The following GSE1 variants were observed in gnomAD, a reference collection of about 807,000 sequenced individuals.
The protein encoded by GSE1 is genetic suppressor element 1.
In GSE1, 32 loss-of-function variants were observed where a neutral mutation model predicts 112.6. That is an observed-to-expected ratio of 0.28 (90% confidence interval 0.21 to 0.38). The LOEUF (loss-of-function observed/expected upper bound fraction) is 0.38, where lower values mean the gene tolerates loss of function less well. GSE1 is among the 10% of genes least tolerant of loss of function. GSE1 has a pLI of 1.00. For synonymous variants in GSE1, 1,115 were observed against 735.6 expected, an observed-to-expected ratio of 1.52 and a Z score of -8.35; for missense variants, 2,348 against 1,699.2, an observed-to-expected ratio of 1.38 and a Z score of -6.71.
At chr16:85,538,590 G>C (rs2044413024) in intron 2 of GSE1, among the ~76,000 whole-genome samples, 1 of 152,140 alleles carries the variant, frequency 6.6e-6, no homozygotes, top group African/African-American at 2.4e-5. Context: ...AAGGTGCCCT[G>C]GGGGAGCCAG....
intron 1 of GSE1, among the ~76,000 whole-genome samples, chr16:85,590,535 A>G (rs1465739498): frequency 6.8e-6 from 1 of 146,228 alleles, no homozygotes; most frequent in African/African-American, 2.6e-5. Flanking sequence ...TTGTGTGAGC[A>G]TGTGTGACAT....
At chr16:85,323,882 C>T (rs182273083) in intron 1 of GSE1, among the ~76,000 whole-genome samples, 6 of 152,288 alleles carry the variant, frequency 3.9e-5, no homozygotes, top group Admixed American at 2.6e-4. Context: ...GTCATCTGGC[C>T]GCCTGCCACA....
intron 2 of GSE1, among the ~76,000 whole-genome samples, chr16:85,645,053 G>T (rs1322956403): frequency 6.6e-6 from 1 of 151,456 alleles, no homozygotes; most frequent in Admixed American, 6.6e-5. Flanking sequence ...GAGGGGCGTG[G>T]TGCCCCGCCC....
At chr16:85,517,608 C>A (rs889988578) in intron 2 of GSE1, among the ~76,000 whole-genome samples, 1 of 149,800 alleles carries the variant, frequency 6.7e-6, no homozygotes, top group Non-Finnish European at 1.5e-5. Context: ...CTCCCCTCCC[C>A]CCGCCTGCCT....
intron 2 of GSE1, among the ~76,000 whole-genome samples, chr16:85,484,778 G>A (rs1453865597): frequency 1.3e-5 from 2 of 152,226 alleles, no homozygotes; most frequent in Admixed American, 1.3e-4. Context: ...TGCTCCATGC[G>A]CCGGCTCTGT....
At chr16:85,669,910 AC>A (rs1035884436) in intron 14 of GSE1, among the ~76,000 whole-genome samples, 8 of 150,910 alleles carry the variant, frequency 5.3e-5, no homozygotes, top group Admixed American at 5.3e-4. Flanking sequence ...ACCTGCGCTG[AC>A]CCCCTCTTCT....
In GSE1 at chr16:85,663,750, C is replaced by G. The variant is rs1203644783; in HGVS notation, c.2644+136C>G. ...GAGGCTGCCCCTTTACTCCTCCCGG[C>G]TCCCGGGAACAGCCTCTCTGTTCTT... On this transcript the variant is annotated intron_variant, in intron 11 of 15. Transcript: ENST00000253458. 7 of 840,558 alleles carry G rather than the reference C, an allele frequency of 8.3e-6. No individual in the cohort carries two copies. The East Asian group carries it at 1.0e-4, about 12-fold the overall frequency. The allele number at this position is 840,558 out of a possible 1,614,324, so 52.1% of individuals were successfully genotyped here.
chr16:85,422,240 C>G lies in GSE1; in HGVS notation c.2464+64597C>G, dbSNP rs541909169. ...TAAGTGACTTTGCATCAGACACAAT[C>G]CCGTTGACATTATCGGCATGAATAA... is the stretch of plus-strand genomic sequence containing the variant. On this transcript the variant is annotated intron_variant, in intron 2 of 2. Coordinates refer to the GSE1 transcript ENST00000637419. Among the ~76,000 whole-genome samples, 170 of 152,338 alleles carry G rather than the reference C, an allele frequency of 1.1e-3. 1 individual carries two copies. Among genetic ancestry groups the G allele is most frequent in the African/African-American group, 3.9e-3 (162 of 41,578 alleles).
intron 10 of GSE1, 69 bp from the exon 11 acceptor site, chr16:85,663,275 G>C: frequency 6.5e-7 from 1 of 1,545,148 alleles, no homozygotes; most frequent in Admixed American, 1.7e-5. Flanking sequence ...CCCAGGAGGG[G>C]ACCCCGGGAC....
At chr16:85,178,464 A>T (rs187013917) in intron 1 of GSE1, among the ~76,000 whole-genome samples, 176 of 152,240 alleles carry the variant, frequency 1.2e-3, no homozygotes, top group African/African-American at 4.1e-3. Flanking sequence ...TGAATTTAAA[A>T]ATACCAATGA....
chr16:85,313,918 CTGTGTG>C (rs10676246), intron 1 of GSE1, among the ~76,000 whole-genome samples: 75 of 149,218 alleles, frequency 5.0e-4, no homozygotes, highest in South Asian at 3.2e-3. Context: ...GTCTGAGCCT[CTGTGTG>C]TGTGTGTGTG....
At chr16:85,648,271 G>T (rs553391467) in intron 2 of GSE1, among the ~76,000 whole-genome samples, 6 of 152,126 alleles carry the variant, frequency 3.9e-5, no homozygotes, top group Admixed American at 1.3e-4. Flanking sequence ...GCGGTGGGCG[G>T]CCCTGGGCAC....
At chr16:85,438,050 C>A (rs761328596) in intron 2 of GSE1, among the ~76,000 whole-genome samples, 7 of 152,166 alleles carry the variant, frequency 4.6e-5, no homozygotes, top group Non-Finnish European at 7.4e-5. Flanking sequence ...CCAGGCTCAT[C>A]TGGGGGAGGC....
intron 1 of GSE1, among the ~76,000 whole-genome samples, chr16:85,281,515 G>A (rs1358494141): frequency 3.3e-5 from 5 of 152,180 alleles, no homozygotes; most frequent in Admixed American, 1.3e-4. Flanking sequence ...ACCTTGCATC[G>A]GAGCGCCGTC....
At chr16:85,337,963 TC>T (rs1465386284) in intron 1 of GSE1, among the ~76,000 whole-genome samples, 3 of 152,348 alleles carry the variant, frequency 2.0e-5, no homozygotes, top group Admixed American at 2.0e-4. Flanking sequence ...CCTTTCAGGT[TC>T]TTCCCACCTC....
rs1469063968 is a variant in GSE1 at position 85,634,035 on chromosome 16, C to T, written c.129C>T (p.Ser43=). The T allele has an allele frequency of 6.2e-7, 1 of 1,610,740 alleles. No individual in the cohort carries two copies. Among genetic ancestry groups the T allele is most frequent in the Non-Finnish European group, 8.5e-7 (1 of 1,178,680 alleles). ...PLNGALVPSG[S]PATSSALSAQ... is the part of the protein sequence containing the mutation. ...ATGGCGCCCTGGTGCCCAGCGGCAGCCCCGCCACCAGCAGCGCGCTGTCGG... is the reference window on the plus strand; with the variant it reads ...ATGGCGCCCTGGTGCCCAGCGGCAGTCCCGCCACCAGCAGCGCGCTGTCGG... The change falls in exon 2 of 16, where the codon AGC becomes AGT. Residue 43 remains serine, a synonymous_variant. Coordinates refer to ENST00000253458, the MANE Select transcript of GSE1 (RefSeq NM_014615.5).
At chr16:85,611,536 G>A (rs2047983276), upstream of GSE1, 2 of 955,392 alleles carry the variant, frequency 2.1e-6, no homozygotes, top group Non-Finnish European at 1.2e-6. Context: ...CCGCAGGTAG[G>A]AGCCAGTAAC....
chr16:85,275,994 C>G (rs543992877), intron 1 of GSE1, among the ~76,000 whole-genome samples: 171 of 152,346 alleles, frequency 1.1e-3, no homozygotes, highest in Non-Finnish European at 2.1e-3. Context: ...GGGTCCCCCT[C>G]CCAGCGATGG....
intron 1 of GSE1, among the ~76,000 whole-genome samples, chr16:85,279,388 C>G (rs2044787373): frequency 6.6e-6 from 1 of 152,218 alleles, no homozygotes; most frequent in Non-Finnish European, 1.5e-5. Context: ...CAGCGGATCA[C>G]TTGAGCCCAG....
Sources: allele counts gnomAD v4.1 joint callset (sites outside exome capture counted in the v4.1 genomes callset), GRCh38; gene constraint gnomAD v4.1.1; transcripts MANE v1.5; gene names NCBI Gene and HGNC (gene_info 2026-07-23, HGNC 2026-07-21).